IAPP: variants seen among roughly 807,000 people sequenced by gnomAD.
The protein encoded by IAPP is Islet amyloid polypeptide (diabetes-associated peptide; amylin).
Under a neutral mutation model 2.9 loss-of-function variants are expected in IAPP, and 4 were observed. The observed-to-expected ratio is 1.39, with a 90% confidence interval of 0.69 to 3.19. The LOEUF (loss-of-function observed/expected upper bound fraction) is 3.19, where lower values mean the gene tolerates loss of function less well. IAPP is among the 30% of genes most tolerant of loss of function. The probability of loss-of-function intolerance (pLI) is 0.01; values close to 1 mark genes in which losing one functional copy is unlikely to be tolerated. For synonymous variants in IAPP, 40 were observed against 42.1 expected (o/e 0.95, Z 0.19); for missense variants, 114 against 105.3 (o/e 1.08, Z -0.36).
intron 1 of IAPP, among the ~76,000 whole-genome samples, chr12:21,356,268 A>G (rs1938356597): frequency 1.3e-5 from 2 of 152,126 alleles, no homozygotes; most frequent in South Asian, 2.1e-4. Context: ...ATTAAGCACT[A>G]TGGAATAATT....
rs1338022510 is a variant in IAPP, at chr12:21,378,849, G to A, written c.*423G>A. 1 of 166,650 alleles carries A rather than the reference G, an allele frequency of 6.0e-6. No homozygotes were observed. The highest frequency in any genetic ancestry group is 1.3e-5 in the Non-Finnish European group (1 of 76,384). The allele number at this position is 166,650 out of a possible 1,614,324, so 10.3% of individuals were successfully genotyped here. ...CCCAGCACTTTGGGAGGCCGAGGCA[G>A]GCAGATCACAAGGTCAGGAGTTCGA... On this transcript the variant is annotated 3_prime_UTR_variant, in exon 3 of 3. Coordinates refer to ENST00000240652, the MANE Select transcript of IAPP (RefSeq NM_000415.3).
chr12:21,365,894 A>T (rs930653429), intron 1 of IAPP, among the ~76,000 whole-genome samples: 52 of 152,188 alleles, frequency 3.4e-4, no homozygotes, highest in Admixed American at 1.0e-3. Flanking sequence ...AAAAGTCAGG[A>T]AACAACAGGT....
chr12:21,361,145 C>T lies in IAPP; in HGVS notation c.-16+6132C>T, dbSNP rs369621596. On this transcript the variant is annotated intron_variant, in intron 1 of 2. Transcript: ENST00000539393. ...CTGGGAGGCACCTCCCAGTAGGGGC[C>T]GACAGACACCTCATACGGGGGATGC... 7.8e-4 allele frequency among the ~76,000 whole-genome samples: 113 copies of T among 144,982 alleles called. 2 individuals are homozygous for T. In the South Asian group the frequency reaches 0.025, roughly 32 times the overall value.
chr12:21,365,417 A>C (rs1039472195), intron 1 of IAPP, among the ~76,000 whole-genome samples: 4 of 152,206 alleles, frequency 2.6e-5, no homozygotes, highest in African/African-American at 9.6e-5. Context: ...TAAAGACTTA[A>C]ATGTTATACC....
chr12:21,358,654 TAATTAAA>T (rs1938566630), intron 1 of IAPP, among the ~76,000 whole-genome samples: 1 of 152,078 alleles, frequency 6.6e-6, no homozygotes, highest in Non-Finnish European at 1.5e-5. Context: ...TAATTTTTTA[TAATTAAA>T]AATTAACTTT....
At chr12:21,369,208 T>TCCTAA (rs951425315), upstream of IAPP, among the ~76,000 whole-genome samples, 133 of 152,342 alleles carry the variant, frequency 8.7e-4, no homozygotes, top group African/African-American at 3.0e-3. Flanking sequence ...ATGAATTATA[T>TCCTAA]CCTGACACTC....
intron 1 of IAPP, among the ~76,000 whole-genome samples, chr12:21,359,175 A>G (rs1474649103): frequency 1.3e-5 from 2 of 152,176 alleles, no homozygotes; most frequent in Non-Finnish European, 2.9e-5. Context: ...GACTTTAAGA[A>G]AGACCATCCC....
intron 1 of IAPP, among the ~76,000 whole-genome samples, chr12:21,359,127 C>T (rs1184415413): frequency 2.0e-5 from 3 of 152,140 alleles, no homozygotes; most frequent in Non-Finnish European, 4.4e-5. Flanking sequence ...TGGGATAAGA[C>T]TAAAAACTAG....
At chr12:21,358,587 A>G (rs1436169174) in intron 1 of IAPP, among the ~76,000 whole-genome samples, 1 of 152,136 alleles carries the variant, frequency 6.6e-6, no homozygotes, top group Non-Finnish European at 1.5e-5. Context: ...ATATATAGAT[A>G]ATTTTGTGTC....
upstream of IAPP, among the ~76,000 whole-genome samples, chr12:21,370,862 A>T (rs1479016491): frequency 1.3e-5 from 2 of 152,194 alleles, no homozygotes; most frequent in Non-Finnish European, 2.9e-5. Context: ...TTTAACGCAG[A>T]ACAGGTGAGA....
chr12:21,360,946 T>A (rs1938813378), intron 1 of IAPP, among the ~76,000 whole-genome samples: 1 of 152,062 alleles, frequency 6.6e-6, no homozygotes, highest in Admixed American at 6.5e-5. Context: ...CTCTGTAGAC[T>A]CCACCTCTAG....
At chr12:21,378,052 A>T (rs1452481169) in intron 2 of IAPP, among the ~76,000 whole-genome samples, 185 bp from the exon 3 acceptor site, 1 of 152,194 alleles carries the variant, frequency 6.6e-6, no homozygotes, top group Non-Finnish European at 1.5e-5. Context: ...TATGATTTTC[A>T]ATTGTTATTT....
chr12:21,378,315 C>A lies in IAPP; in HGVS notation c.159C>A (p.Ser53Arg), dbSNP rs1940357877. Residue 53 changes from serine to arginine, a missense_variant, in exon 3 of 3, where the codon AGC becomes AGA. Coordinates refer to ENST00000240652, the MANE Select transcript of IAPP (RefSeq NM_000415.3). ...TGGCAAATTTTTTAGTTCATTCCAG[C>A]AACAACTTTGGTGCCATTCTCTCAT... ...QRLANFLVHS[S>R]NNFGAILSST... 1 of 1,614,054 alleles carries A rather than the reference C, an allele frequency of 6.2e-7. No individual in the cohort carries two copies. Among genetic ancestry groups the A allele is most frequent in the South Asian group, 1.1e-5 (1 of 91,092 alleles).
intron 1 of IAPP, among the ~76,000 whole-genome samples, chr12:21,363,470 A>T (rs899098186): frequency 9.2e-5 from 14 of 152,356 alleles, no homozygotes; most frequent in Non-Finnish European, 1.5e-4. Context: ...ACACCCTAAC[A>T]TCACAATTAA....
intron 1 of IAPP, among the ~76,000 whole-genome samples, chr12:21,366,204 G>C (rs1442910277): frequency 6.6e-6 from 1 of 152,146 alleles, no homozygotes; most frequent in African/African-American, 2.4e-5. Context: ...ATACACCATG[G>C]AACATTATGC....
chr12:21,357,300 C>T lies in IAPP; in HGVS notation c.-16+2287C>T, dbSNP rs373260980. On this transcript the variant is annotated intron_variant, in intron 1 of 2. Coordinates refer to the IAPP transcript ENST00000539393. ...GGGGAAGTTTGGTCACAGAGACACA[C>T]ACACAGGGATAATGCCTCATGGGAA... is the stretch of plus-strand genomic sequence containing the variant. Among the ~76,000 whole-genome samples the T allele has an allele frequency of 1.2e-4, 19 of 152,272 alleles. No homozygotes were observed. In the East Asian group the frequency reaches 1.7e-3, roughly 14 times the overall value.
In IAPP at chr12:21,360,762, C is replaced by A. The variant is rs1045252874; in HGVS notation, c.-16+5749C>A. ...ATATCCCGCGGCTGGCTTGGAGGCTCCCACACCCACGGAGGCTCGCTCACT... is the reference window on the plus strand; with the variant it reads ...ATATCCCGCGGCTGGCTTGGAGGCTACCACACCCACGGAGGCTCGCTCACT... On this transcript the variant is annotated intron_variant, in intron 1 of 2. Coordinates refer to the IAPP transcript ENST00000539393. Among the ~76,000 whole-genome samples the A allele has an allele frequency of 2.0e-5, 3 of 152,214 alleles. No individual in the cohort carries two copies. The South Asian group carries it at 6.2e-4, about 32-fold the overall frequency.
intron 1 of IAPP, among the ~76,000 whole-genome samples, chr12:21,367,814 A>G (rs1023701741): frequency 6.6e-6 from 1 of 152,122 alleles, no homozygotes; most frequent in Non-Finnish European, 1.5e-5. Context: ...AATATGAAAA[A>G]GACAAAGGAA....
At chr12:21,375,826 T>A (rs1007027307) in intron 2 of IAPP, among the ~76,000 whole-genome samples, 1 of 152,194 alleles carries the variant, frequency 6.6e-6, no homozygotes, top group Non-Finnish European at 1.5e-5. Context: ...AGAATTTCCA[T>A]GTGTGTATGT....
Sources: gnomAD v4.1 joint callset for allele counts (sites outside exome capture counted in the v4.1 genomes callset) on GRCh38, gnomAD v4.1.1 for gene constraint, MANE v1.5 for transcripts, NCBI Gene and HGNC (gene_info 2026-07-23, HGNC 2026-07-21) for gene names.